SCYL2: variants seen among roughly 807,000 people sequenced by gnomAD.
SCYL2 encodes the protein SCY1-like protein 2.
In SCYL2, 36 loss-of-function variants were observed where a neutral mutation model predicts 100.4. That is an observed-to-expected ratio of 0.36 (90% confidence interval 0.27 to 0.47). The LOEUF is 0.47. SCYL2 is among the 20% of genes least tolerant of loss of function. The probability of loss-of-function intolerance (pLI) is 1.00; values close to 1 mark genes in which losing one functional copy is unlikely to be tolerated. For missense variants in SCYL2, 902 were observed against 1,083.9 expected (o/e 0.83, Z 2.36); for synonymous variants, 330 against 359.2 (o/e 0.92, Z 0.92).
At chr12:100,314,637 T>C (rs1320065906) in intron 8 of SCYL2, 23 bp downstream of exon 8, 8 of 1,572,500 alleles carry the variant, frequency 5.1e-6, no homozygotes, top group Non-Finnish European at 6.9e-6. Flanking sequence ...TAGTTTCTTA[T>C]TAATAATCAG....
Position 100,312,411 on chromosome 12 carries a change from TAA to T in SCYL2, c.631-20_631-19del. The stretch of plus-strand genomic sequence containing the variant: ...TTGGTTGAATTTGAAGTAACCCATG[TAA>T]TTCCTTTTCTTACTACAGCCTAAAT... On this transcript the variant is annotated intron_variant, in intron 5 of 17. Coordinates refer to ENST00000360820, the MANE Select transcript of SCYL2 (RefSeq NM_017988.6). The T allele has an allele frequency of 6.6e-7, 1 of 1,519,564 alleles. No homozygotes were observed. Among genetic ancestry groups the T allele is most frequent in the Non-Finnish European group, 9.1e-7 (1 of 1,096,026 alleles). 94.1% of individuals were successfully genotyped at this position (1,519,564 alleles called of 1,614,324 possible). A position where few individuals can be genotyped will look rare whatever the true frequency, so the allele number is the denominator to read the frequency against.
chr12:100,286,325 C>A (rs912181737), intron 2 of SCYL2, among the ~76,000 whole-genome samples: 4 of 152,028 alleles, frequency 2.6e-5, no homozygotes, highest in Admixed American at 2.6e-4. Context: ...TTATTAAGCA[C>A]TTCTGTTTAG....
intron 14 of SCYL2, among the ~76,000 whole-genome samples, chr12:100,335,085 G>A (rs1952258563): frequency 6.6e-6 from 1 of 151,992 alleles, no homozygotes; most frequent in Non-Finnish European, 1.5e-5. Context: ...TTGATGGATT[G>A]ACTATGTTAA....
Position 100,339,495 on chromosome 12 carries a change from G to A in SCYL2, c.*323G>A. The A allele has an allele frequency of 3.6e-6, 1 of 274,356 alleles. No individual in the cohort carries two copies. Among genetic ancestry groups the A allele is most frequent in the African/African-American group, 2.2e-5 (1 of 44,528 alleles). The allele number at this position is 274,356 out of a possible 1,614,324, so 17.0% of individuals were successfully genotyped here. A position where few individuals can be genotyped will look rare whatever the true frequency, so the allele number is the denominator to read the frequency against. ...TAATCAAATGTTTATTTTGGCTTGTGGATCTTGGTGTTATTTAAAAAATTG... is the reference window on the plus strand; with the variant it reads ...TAATCAAATGTTTATTTTGGCTTGTAGATCTTGGTGTTATTTAAAAAATTG... On this transcript the variant is annotated 3_prime_UTR_variant, in exon 18 of 18. Coordinates refer to ENST00000360820, the MANE Select transcript of SCYL2 (RefSeq NM_017988.6).
Position 100,329,213 on chromosome 12 carries a change from G to T in SCYL2, c.1655G>T (p.Cys552Phe). ...VLMGILGIYK[C>F]TFTHKKLGIT... ...TCTTTTCTATCAGGTATTTACAAAT[G>T]TACTTTTACTCATAAGAAGTTGGGA... Residue 552 changes from cysteine (C) to phenylalanine (F), a missense_variant, in exon 13 of 18, where the codon TGT (cysteine) becomes TTT (phenylalanine). Coordinates refer to ENST00000360820, the MANE Select transcript of SCYL2 (RefSeq NM_017988.6). The T allele has an allele frequency of 1.9e-6, 3 of 1,565,976 alleles. No homozygotes were observed. Among genetic ancestry groups the T allele is most frequent in the Non-Finnish European group, 2.6e-6 (3 of 1,136,624 alleles).
At chr12:100,326,894 TTTCTC>T (rs1952137352) in intron 12 of SCYL2, 140 bp downstream of exon 12, 2 of 677,316 alleles carry the variant, frequency 3.0e-6, no homozygotes, top group Non-Finnish European at 4.7e-6. Flanking sequence ...TAATATAACT[TTTCTC>T]TTTAAGTTTA....
intron 4 of SCYL2, among the ~76,000 whole-genome samples, chr12:100,304,165 C>T (rs2096331129): frequency 6.6e-6 from 1 of 152,176 alleles, no homozygotes; most frequent in Non-Finnish European, 1.5e-5. Context: ...GCAAGAATTT[C>T]AAGCCATTGG....
chr12:100,282,012 TTTG>T (rs925447316), intron 1 of SCYL2, among the ~76,000 whole-genome samples: 6 of 151,970 alleles, frequency 3.9e-5, no homozygotes, highest in South Asian at 2.1e-4. Flanking sequence ...ACCTCCTATA[TTTG>T]TTGTTGTTGT....
At chr12:100,334,302 G>T (rs145320618) in intron 14 of SCYL2, 36 bp downstream of exon 14, 1 of 1,166,478 alleles carries the variant, frequency 8.6e-7, no homozygotes, top group African/African-American at 1.5e-5. Context: ...TGTGGTCCGG[G>T]AGTGAAATTA....
intron 5 of SCYL2, 74 bp downstream of exon 5, chr12:100,311,267 G>C: frequency 6.9e-7 from 1 of 1,453,644 alleles, no homozygotes; most frequent in Non-Finnish European, 9.2e-7. Flanking sequence ...ACTAGAAATA[G>C]GCTATGTGGT....
chr12:100,334,101 CTTAA>C (rs1246082852), intron 13 of SCYL2, 61 bp from the exon 14 acceptor site: 4 of 934,780 alleles, frequency 4.3e-6, no homozygotes, highest in Non-Finnish European at 5.1e-6. Context: ...ACTGAATTAT[CTTAA>C]TTGATTACAT....
intron 6 of SCYL2, among the ~76,000 whole-genome samples, 153 bp from the exon 7 acceptor site, chr12:100,313,269 G>T (rs570714047): frequency 6.6e-6 from 1 of 152,120 alleles, no homozygotes; most frequent in Admixed American, 6.5e-5. Flanking sequence ...AAAGATAAGG[G>T]TTTTGTTTTG....
chr12:100,296,471 G>C (rs984781000), intron 3 of SCYL2, among the ~76,000 whole-genome samples: 1 of 152,120 alleles, frequency 6.6e-6, no homozygotes, highest in African/African-American at 2.4e-5. Flanking sequence ...GAAATGTAGG[G>C]AAAACAAGAG....
chr12:100,339,937 T>C lies in SCYL2; in HGVS notation c.*765T>C, dbSNP rs1456617230. ...AAGGAAGAGGTATGTGCTGATTTGT[T>C]TGGATATTTGACAAGGCACTCTGAT... On this transcript the variant is annotated 3_prime_UTR_variant, in exon 18 of 18. Transcript: ENST00000360820. 6.6e-6 allele frequency: 1 copy of C among 152,524 alleles called. No homozygotes were observed. The highest frequency in any genetic ancestry group is 1.5e-5 in the Non-Finnish European group (1 of 67,996). The allele number at this position is 152,524 out of a possible 1,614,324, so 9.4% of individuals were successfully genotyped here.
chr12:100,326,384 A>G (rs866236446), intron 11 of SCYL2, among the ~76,000 whole-genome samples: 9 of 152,284 alleles, frequency 5.9e-5, no homozygotes, highest in Middle Eastern at 3.4e-3. Context: ...GATTGTAGTC[A>G]TTCCTTGACT....
At chr12:100,328,323 G>A (rs2135929652) in intron 12 of SCYL2, among the ~76,000 whole-genome samples, 1 of 152,258 alleles carries the variant, frequency 6.6e-6, no homozygotes, top group Non-Finnish European at 1.5e-5. Flanking sequence ...GTAGAAATTT[G>A]AGCCCTGGCT....
intron 2 of SCYL2, among the ~76,000 whole-genome samples, chr12:100,283,894 G>A (rs1347936535): frequency 6.6e-6 from 1 of 152,184 alleles, no homozygotes; most frequent in Admixed American, 6.5e-5. Context: ...CCATTTGGAA[G>A]TCTTTACTGA....
chr12:100,305,310 G>A (rs1450989030), intron 4 of SCYL2, among the ~76,000 whole-genome samples: 1 of 152,188 alleles, frequency 6.6e-6, no homozygotes, highest in African/African-American at 2.4e-5. Flanking sequence ...CAGTCTCTCA[G>A]ACCACAGTGC....
chr12:100,273,425 T>C (rs1349258726), intron 1 of SCYL2, among the ~76,000 whole-genome samples: 1 of 152,158 alleles, frequency 6.6e-6, no homozygotes, highest in Admixed American at 6.5e-5. Context: ...TACTTGTCTG[T>C]CTTCTCCCTT....
Sources: allele counts gnomAD v4.1 joint callset (sites outside exome capture counted in the v4.1 genomes callset), GRCh38; gene constraint gnomAD v4.1.1; transcripts MANE v1.5; gene names NCBI Gene and HGNC (gene_info 2026-07-23, HGNC 2026-07-21).